Variants in PRUNE2 observed in about 807,000 individuals in gnomAD.
PRUNE2 encodes the protein protein prune homolog 2.
Under a neutral mutation model 252.0 loss-of-function variants are expected in PRUNE2, and 164 were observed. The observed-to-expected ratio is 0.65, with a 90% confidence interval of 0.57 to 0.74. PRUNE2 has a LOEUF of 0.74. PRUNE2 is among the 30% of genes least tolerant of loss of function. PRUNE2 has a pLI of 0.00. For synonymous variants in PRUNE2, 1,292 were observed against 1,350.2 expected (o/e 0.96, Z 0.94); for missense variants, 3,495 against 3,711.0 (o/e 0.94, Z 1.51).
intron 16 of PRUNE2, among the ~76,000 whole-genome samples, chr9:76,626,268 AG>A (rs772586495): frequency 2.0e-5 from 3 of 152,230 alleles, no homozygotes; most frequent in Non-Finnish European, 4.4e-5. Flanking sequence ...ATTTGGTTCT[AG>A]GTTGGGCAAG....
At chr9:76,807,047 T>C (rs1394126829) in intron 6 of PRUNE2, among the ~76,000 whole-genome samples, 2 of 138,828 alleles carry the variant, frequency 1.4e-5, no homozygotes, top group Admixed American at 7.2e-5. Context: ...TGTGTGTGTG[T>C]GTGTGCGCGC....
At chr9:76,734,325 C>CA (rs1564178565) in intron 6 of PRUNE2, among the ~76,000 whole-genome samples, 1 of 151,784 alleles carries the variant, frequency 6.6e-6, no homozygotes, top group African/African-American at 2.4e-5. Context: ...GGTACAAGCA[C>CA]AAAAAAAGTT....
chr9:76,615,141 A>G, intron 18 of PRUNE2: 1 of 985,302 alleles, frequency 1.0e-6, no homozygotes. Context: ...CTTGTTTTTC[A>G]GAAGGTCAAA....
intron 9 of PRUNE2, among the ~76,000 whole-genome samples, chr9:76,677,652 G>A (rs1383418963): frequency 6.6e-6 from 1 of 152,174 alleles, no homozygotes; most frequent in Non-Finnish European, 1.5e-5. Flanking sequence ...TTCCTGATGG[G>A]TCCATTGTTC....
chr9:76,902,251 T>TG, intron 1 of PRUNE2, among the ~76,000 whole-genome samples: 1 of 152,292 alleles, frequency 6.6e-6, no homozygotes, highest in South Asian at 2.1e-4. Context: ...CACTATGAAG[T>TG]TGAGGGTCAT....
chr9:76,793,698 A>G (rs1305085395), intron 6 of PRUNE2, among the ~76,000 whole-genome samples: 1 of 152,104 alleles, frequency 6.6e-6, no homozygotes, highest in Non-Finnish European at 1.5e-5. Context: ...GGTCACACAC[A>G]TCTAATTTTC....
In PRUNE2 at chr9:76,614,356, T is replaced by G. The variant is rs1828419624; in HGVS notation, c.*214A>C. 1.7e-6 allele frequency: 1 copy of G among 587,988 alleles called. No homozygotes were observed. The highest frequency in any genetic ancestry group is 2.9e-5 in the East Asian group (1 of 34,550). The allele number at this position is 587,988 out of a possible 1,614,324, so 36.4% of individuals were successfully genotyped here. Reference sequence around the variant, plus strand: ...TTCTTGCTAAGGCTCAACTAAAATCTTTGAGGCACATAATTGGCAAAATAG... The same window carrying G: ...TTCTTGCTAAGGCTCAACTAAAATCGTTGAGGCACATAATTGGCAAAATAG... On this transcript the variant is annotated 3_prime_UTR_variant, in exon 19 of 19. Coordinates refer to ENST00000376718, the MANE Select transcript of PRUNE2 (RefSeq NM_015225.3).
chr9:76,694,076 G>A (rs941077663), intron 9 of PRUNE2, among the ~76,000 whole-genome samples: 16 of 152,228 alleles, frequency 1.1e-4, no homozygotes, highest in African/African-American at 3.6e-4. Context: ...TCTTTAAGAA[G>A]TGCTGGCTCA....
chr9:76,810,353 T>G (rs949619808), intron 6 of PRUNE2, among the ~76,000 whole-genome samples: 7 of 152,206 alleles, frequency 4.6e-5, no homozygotes. Flanking sequence ...AAAGGTATGA[T>G]AGACATTCAA....
chr9:76,763,709 G>C (rs1001759570), intron 6 of PRUNE2, among the ~76,000 whole-genome samples: 7 of 152,172 alleles, frequency 4.6e-5, no homozygotes, highest in African/African-American at 1.7e-4. Context: ...GTGGGGAGGA[G>C]AATGGTATGG....
intron 9 of PRUNE2, among the ~76,000 whole-genome samples, chr9:76,662,982 C>T (rs1366439897): frequency 1.3e-5 from 2 of 152,158 alleles, no homozygotes; most frequent in Admixed American, 6.5e-5. Context: ...TGCCTTCCCT[C>T]GTTAAGAATA....
chr9:76,843,410 G>T (rs556270543), intron 4 of PRUNE2, among the ~76,000 whole-genome samples: 1 of 152,082 alleles, frequency 6.6e-6, no homozygotes, highest in Non-Finnish European at 1.5e-5. Flanking sequence ...ACCATGGCAC[G>T]TGTATACCTA....
intron 11 of PRUNE2, among the ~76,000 whole-genome samples, chr9:76,649,946 T>TC (rs1564457472): frequency 7.3e-6 from 1 of 136,936 alleles, no homozygotes; most frequent in African/African-American, 3.2e-5. Flanking sequence ...TACTTTTTTT[T>TC]TTTTAGAGTC....
intron 16 of PRUNE2, among the ~76,000 whole-genome samples, chr9:76,626,608 CT>C (rs1482825958): frequency 6.6e-6 from 1 of 152,172 alleles, no homozygotes; most frequent in Non-Finnish European, 1.5e-5. Context: ...AAATGGAGCC[CT>C]TGAAAACTGA....
chr9:76,658,288 G>T (rs1267646272), intron 9 of PRUNE2, among the ~76,000 whole-genome samples: 1 of 152,178 alleles, frequency 6.6e-6, no homozygotes, highest in Non-Finnish European at 1.5e-5. Context: ...AACCTGGGAG[G>T]CAGAGGTTGT....
At chr9:76,856,926 G>A (rs1385076259) in intron 1 of PRUNE2, among the ~76,000 whole-genome samples, 1 of 151,936 alleles carries the variant, frequency 6.6e-6, no homozygotes, top group Admixed American at 6.6e-5. Flanking sequence ...GCTAATTTTT[G>A]TATTTTTAGT....
At chr9:76,857,955 G>A (rs137875679) in intron 1 of PRUNE2, among the ~76,000 whole-genome samples, 6 of 152,274 alleles carry the variant, frequency 3.9e-5, no homozygotes, top group African/African-American at 1.4e-4. Context: ...CTGAAGGTCT[G>A]TAGGCCCCTT....
chr9:76,617,222 T>C (rs11144982), intron 18 of PRUNE2, among the ~76,000 whole-genome samples: 12,888 of 152,208 alleles, frequency 0.085, 620 homozygotes, highest in Non-Finnish European at 0.098. Context: ...TTGCATTTTA[T>C]GTAGAAAGAA....
intron 1 of PRUNE2, among the ~76,000 whole-genome samples, chr9:76,872,161 C>G (rs1010035965): frequency 6.6e-6 from 1 of 152,076 alleles, no homozygotes; most frequent in African/African-American, 2.4e-5. Flanking sequence ...ACTGAGGGTG[C>G]AGCATCTGCA....
Sources: gnomAD v4.1 joint callset for allele counts (sites outside exome capture counted in the v4.1 genomes callset) on GRCh38, gnomAD v4.1.1 for gene constraint, MANE v1.5 for transcripts, NCBI Gene and HGNC (gene_info 2026-07-23, HGNC 2026-07-21) for gene names.